The following WDPCP variants were observed in gnomAD, a reference collection of about 807,000 sequenced individuals.
WDPCP encodes the protein WD repeat-containing and planar cell polarity effector protein fritz homolog.
Under a neutral mutation model 93.1 loss-of-function variants are expected in WDPCP, and 71 were observed. The ratio of observed to expected loss-of-function variants is 0.76; its 90% confidence interval spans 0.63 to 0.93. The LOEUF is 0.93. Ranked by LOEUF, WDPCP falls within the 40% of genes least tolerant of loss-of-function variation. The pLI, the probability that WDPCP is intolerant of heterozygous loss-of-function variation, is 0.00. For missense variants in WDPCP, 844 were observed against 887.4 expected, an observed-to-expected ratio of 0.95 and a Z score of 0.62; for synonymous variants, 315 against 315.0, an observed-to-expected ratio of 1.00 and a Z score of 0.00.
At chr2:63,470,125 T>C (rs541772838) in intron 6 of WDPCP, among the ~76,000 whole-genome samples, 21 of 152,194 alleles carry the variant, frequency 1.4e-4, no homozygotes, top group Non-Finnish European at 2.6e-4. Flanking sequence ...TCTCTAATCT[T>C]AAAATGTTAG....
chr2:63,784,405 C>T (rs920779175), intron 2 of WDPCP, among the ~76,000 whole-genome samples: 3 of 152,080 alleles, frequency 2.0e-5, no homozygotes, highest in African/African-American at 4.8e-5. Context: ...CATGCCTGCA[C>T]TTAATAGCAG....
At chr2:63,412,440 G>C (rs1695085884) in intron 9 of WDPCP, among the ~76,000 whole-genome samples, 1 of 152,116 alleles carries the variant, frequency 6.6e-6, no homozygotes. Flanking sequence ...ATGGGGAAAA[G>C]TTGAAAGTAT....
chr2:63,219,492 GCAGATACTTT>G (rs1191490434), intron 14 of WDPCP, among the ~76,000 whole-genome samples: 1 of 152,154 alleles, frequency 6.6e-6, no homozygotes, highest in Non-Finnish European at 1.5e-5. Context: ...AAGTCCTCAA[GCAGATACTTT>G]TCTTCCATTT....
At chr2:63,186,053 C>A (rs185032930) in intron 14 of WDPCP, among the ~76,000 whole-genome samples, 67 of 152,268 alleles carry the variant, frequency 4.4e-4, no homozygotes, top group African/African-American at 1.3e-3. Flanking sequence ...CATGTGAAGA[C>A]CAGGGCAGCC....
chr2:63,681,426 G>C (rs1301087334), intron 2 of WDPCP, among the ~76,000 whole-genome samples: 1 of 152,186 alleles, frequency 6.6e-6, no homozygotes, highest in African/African-American at 2.4e-5. Flanking sequence ...TGGGCCTATG[G>C]TGGTGGTGGT....
At chr2:63,815,986 C>T (rs1436929033) in intron 1 of WDPCP, among the ~76,000 whole-genome samples, 3 of 151,144 alleles carry the variant, frequency 2.0e-5, no homozygotes, top group Non-Finnish European at 2.9e-5. Context: ...TTGATATTAT[C>T]TTGAGAAACA....
At chr2:63,351,799 G>T (rs1232657808) in intron 12 of WDPCP, among the ~76,000 whole-genome samples, 1 of 152,164 alleles carries the variant, frequency 6.6e-6, no homozygotes, top group East Asian at 1.9e-4. Context: ...TAATGGGATT[G>T]CTGGATTAAA....
At chr2:63,358,514 T>C (rs1304487799) in intron 12 of WDPCP, among the ~76,000 whole-genome samples, 1 of 152,176 alleles carries the variant, frequency 6.6e-6, no homozygotes, top group African/African-American at 2.4e-5. Flanking sequence ...TTACCCAAGT[T>C]GCAGTGCAGG....
At chr2:63,634,688 A>G (rs1228260271) in intron 3 of WDPCP, among the ~76,000 whole-genome samples, 3 of 152,158 alleles carry the variant, frequency 2.0e-5, no homozygotes, top group African/African-American at 7.2e-5. Flanking sequence ...TAAACAACAC[A>G]CTCCAGAACA....
chr2:63,492,600 G>C (rs1248311480), intron 2 of WDPCP, among the ~76,000 whole-genome samples: 1 of 151,838 alleles, frequency 6.6e-6, no homozygotes, highest in East Asian at 1.9e-4. Flanking sequence ...AACCTCCTAG[G>C]CTCGTGTGTA....
chr2:63,764,847 T>C (rs981181062), intron 2 of WDPCP, among the ~76,000 whole-genome samples: 1 of 152,200 alleles, frequency 6.6e-6, no homozygotes. Context: ...CAGGGTTATA[T>C]TGTCATTCAG....
chr2:63,760,607 A>T (rs1035546919), intron 2 of WDPCP, among the ~76,000 whole-genome samples: 1 of 151,966 alleles, frequency 6.6e-6, no homozygotes, highest in Non-Finnish European at 1.5e-5. Context: ...GGTAGAACTG[A>T]CCTGGGACCC....
intron 2 of WDPCP, among the ~76,000 whole-genome samples, chr2:63,732,862 A>C (rs1341876363): frequency 6.6e-6 from 1 of 152,162 alleles, no homozygotes; most frequent in Non-Finnish European, 1.5e-5. Flanking sequence ...AAATCATTGA[A>C]ACTTGAAAAT....
chr2:63,195,933 T>G (rs569408143), intron 14 of WDPCP, among the ~76,000 whole-genome samples: 1 of 152,334 alleles, frequency 6.6e-6, no homozygotes, highest in East Asian at 1.9e-4. Context: ...GTACACATAA[T>G]GTACTACTGT....
At chr2:63,761,251 C>T (rs1236343955) in intron 2 of WDPCP, among the ~76,000 whole-genome samples, 1 of 152,204 alleles carries the variant, frequency 6.6e-6, no homozygotes, top group African/African-American at 2.4e-5. Context: ...CTCTCTCACA[C>T]TCTCTTGCCC....
At chr2:63,780,887 C>A (rs775525371) in intron 2 of WDPCP, among the ~76,000 whole-genome samples, 34 of 152,082 alleles carry the variant, frequency 2.2e-4, no homozygotes, top group Non-Finnish European at 4.0e-4. Flanking sequence ...AAAACAAAAT[C>A]CAAAATAAAA....
At chr2:63,237,798 A>T (rs1345092958) in intron 14 of WDPCP, among the ~76,000 whole-genome samples, 3 of 152,126 alleles carry the variant, frequency 2.0e-5, no homozygotes, top group African/African-American at 7.2e-5. Context: ...AGATGTAAAT[A>T]TGGGAACAGC....
rs184055328 is a variant in WDPCP, at chr2:63,509,333, A to G, written c.76-16393T>C. On this transcript the variant is annotated intron_variant, in intron 1 of 17. Transcript: ENST00000272321. The stretch of plus-strand genomic sequence containing the variant: ...CTGAACAACCTGCTCCTGAATGTCT[A>G]CTGGGTAAATAACAAAATTAAGGCA... Among the ~76,000 whole-genome samples the G allele has an allele frequency of 1.7e-3, 256 of 152,300 alleles. 2 individuals carry two copies. Among genetic ancestry groups the G allele is most frequent in the African/African-American group, 5.9e-3 (244 of 41,572 alleles).
chr2:63,245,751 T>C (rs1004730463), intron 14 of WDPCP, among the ~76,000 whole-genome samples: 1 of 152,128 alleles, frequency 6.6e-6, no homozygotes, highest in South Asian at 2.1e-4. Flanking sequence ...AAGGAAGATA[T>C]GGCATTAAAT....
Sources: allele counts gnomAD v4.1 joint callset (sites outside exome capture counted in the v4.1 genomes callset), GRCh38; gene constraint gnomAD v4.1.1; transcripts MANE v1.5; gene names NCBI Gene and HGNC (gene_info 2026-07-23, HGNC 2026-07-21).